The following ARMC6 variants were observed in gnomAD, a reference collection of about 807,000 sequenced individuals.
ARMC6 encodes the protein armadillo repeat-containing protein 6.
Under a neutral mutation model 49.2 loss-of-function variants are expected in ARMC6, and 43 were observed. The observed-to-expected ratio is 0.87, with a 90% CI of 0.69 to 1.13. ARMC6 has a LOEUF of 1.13. Ranked by LOEUF, ARMC6 falls within the 50% of genes most tolerant of loss-of-function variation. ARMC6 has a pLI of 0.00. For synonymous variants in ARMC6, 262 were observed against 289.6 expected (o/e 0.90, Z 0.97); for missense variants, 627 against 682.0 (o/e 0.92, Z 0.90).
chr19:19,037,577 GC>G (rs1195474966), intron 2 of ARMC6: 26 of 1,074,544 alleles, frequency 2.4e-5, no homozygotes, highest in African/African-American at 3.3e-5. Flanking sequence ...ACGTGTCCAG[GC>G]TGGTCTCAAA....
chr19:19,037,262 C>T (rs2059378011), intron 2 of ARMC6, among the ~76,000 whole-genome samples: 1 of 152,094 alleles, frequency 6.6e-6, no homozygotes, highest in Non-Finnish European at 1.5e-5. Context: ...CAGTCCTTCT[C>T]CCGTCAGGCA....
intron 4 of ARMC6, among the ~76,000 whole-genome samples, chr19:19,047,735 A>C (rs916476356): frequency 1.4e-4 from 22 of 152,348 alleles, no homozygotes; most frequent in African/African-American, 3.4e-4. Context: ...GAGTGACCAA[A>C]GGCCCATGAC....
At chr19:19,035,249 ACC>A (rs1325265839) in intron 2 of ARMC6, among the ~76,000 whole-genome samples, 1 of 151,432 alleles carries the variant, frequency 6.6e-6, no homozygotes, top group African/African-American at 2.4e-5. Context: ...CAAGTGATCT[ACC>A]CGCCTCAGAC....
In ARMC6 at chr19:19,057,937, C is replaced by T; in HGVS notation, c.*309C>T. On this transcript the variant is annotated 3_prime_UTR_variant, in exon 9 of 9. Transcript: ENST00000535612. ...AAAGGGCACGTCCCATCACTCACTG[C>T]CCTGTCTGAAATGTGGCAGCCACTG... The T allele has an allele frequency of 2.2e-6, 1 of 461,814 alleles. No individual in the cohort carries two copies. The highest frequency in any genetic ancestry group is 4.0e-6 in the Non-Finnish European group (1 of 247,708). 28.6% of individuals were successfully genotyped at this position (461,814 alleles called of 1,614,324 possible). A position where few individuals can be genotyped will look rare whatever the true frequency, so the allele number is the denominator to read the frequency against.
chr19:19,045,067 C>T (rs2059438222), intron 4 of ARMC6, among the ~76,000 whole-genome samples: 1 of 151,280 alleles, frequency 6.6e-6, no homozygotes, highest in Non-Finnish European at 1.5e-5. Flanking sequence ...CTGGTGTGCA[C>T]TGGCGTGATC....
rs1013304508 is a variant in ARMC6 at position 19,033,712 on chromosome 19, G to A, written c.-298G>A. Reference sequence around the variant, plus strand: ...GCGACCACCGTGAGCGTCCCGGAAGGGGCGGCAAAGACGCCTCCGTCGCGC... The same window carrying A: ...GCGACCACCGTGAGCGTCCCGGAAGAGGCGGCAAAGACGCCTCCGTCGCGC... On this transcript the variant is annotated 5_prime_UTR_variant, in exon 1 of 9. Coordinates refer to ENST00000535612, the MANE Select transcript of ARMC6 (RefSeq NM_001199196.2). The A allele has an allele frequency of 5.9e-5, 16 of 271,480 alleles. No individual in the cohort carries two copies. Among genetic ancestry groups the A allele is most frequent in the Non-Finnish European group, 9.6e-5 (14 of 145,252 alleles). 16.8% of individuals were successfully genotyped at this position (271,480 alleles called of 1,614,324 possible).
intron 8 of ARMC6, among the ~76,000 whole-genome samples, chr19:19,056,412 C>T (rs2059545474): frequency 6.6e-6 from 1 of 152,082 alleles, no homozygotes; most frequent in African/African-American, 2.4e-5. Context: ...CAGGCATGGG[C>T]CACCACGCCC....
intron 2 of ARMC6, among the ~76,000 whole-genome samples, chr19:19,041,523 A>G (rs1256625114): frequency 6.6e-6 from 1 of 151,962 alleles, no homozygotes; most frequent in Non-Finnish European, 1.5e-5. Context: ...TAATTTTTGT[A>G]TTTTTAGCAG....
chr19:19,057,515 C>T lies in ARMC6; in HGVS notation c.1393C>T (p.Arg465Ter), dbSNP rs746845968. The change falls in exon 9 of 9, where the codon CGA (arginine) becomes TGA (stop). Residue 465 changes from arginine (R) to a stop codon, truncating the protein, a stop_gained. Transcript: ENST00000535612. LOFTEE classifies it high-confidence loss of function. The stretch of plus-strand genomic sequence containing the variant: ...GGCTGAGGCACTCATCATGCAGGCC[C>T]GATCTGCCCACCGTGACTGTGAGGA... ...LGAEALIMQA[R>*]SAHRDCEDVA... 2.2e-5 allele frequency: 36 copies of T among 1,613,848 alleles called. No individual in the cohort carries two copies. Among genetic ancestry groups the T allele is most frequent in the East Asian group, 6.7e-5 (3 of 44,878 alleles).
rs779552054 is a variant in ARMC6, at chr19:19,052,036, C to G, written c.694C>G (p.His232Asp). 1.9e-6 allele frequency: 3 copies of G among 1,614,050 alleles called. No individual in the cohort carries two copies. The South Asian group carries it at 3.3e-5, about 18-fold the overall frequency. ...LPLLTGAITH[H>D]GHHTDVVREA... ...TCTGCTGACTGGTGCCATCACCCAT[C>G]ATGGCCACCACACTGACGTGGTCAG... The change falls in exon 5 of 9, where the codon CAT (histidine) becomes GAT (aspartate). Residue 232 changes from histidine (H) to aspartate (D), a missense_variant. His to Asp is a moderately conservative substitution (Grantham distance 81, BLOSUM62 -1). Transcript: ENST00000535612.
Position 19,055,466 on chromosome 19 carries a change from C to T in ARMC6, c.1155+70C>T, listed in dbSNP as rs572000202. ...AGTCCCAGTTCAGTTTCTGTATCTG[C>T]ATGAAGCTCTATTCCCCTGCAGGGC... On this transcript the variant is annotated intron_variant, in intron 7 of 8. Coordinates refer to ENST00000535612, the MANE Select transcript of ARMC6 (RefSeq NM_001199196.2). The surrounding 1 kb of genome is among the most constrained non-coding windows in gnomAD (Gnocchi z 5.7). The T allele has an allele frequency of 5.2e-6, 8 of 1,525,760 alleles. No individual in the cohort carries two copies. The African/African-American group carries it at 9.7e-5, about 18-fold the overall frequency. The allele number at this position is 1,525,760 out of a possible 1,614,324, so 94.5% of individuals were successfully genotyped here. A position where few individuals can be genotyped will look rare whatever the true frequency, so the allele number is the denominator to read the frequency against.
At chr19:19,034,647 G>T (rs2059329354) in intron 2 of ARMC6, among the ~76,000 whole-genome samples, 1 of 152,124 alleles carries the variant, frequency 6.6e-6, no homozygotes. Flanking sequence ...AGAGTGTAGT[G>T]GCATGATCTT....
chr19:19,034,203 C>A lies in ARMC6; in HGVS notation c.-7C>A. On this transcript the variant is annotated 5_prime_UTR_variant, in exon 2 of 9. Transcript: ENST00000535612. ...GTGGGGACAAGGAGGCTACAGGGTA[C>A]AAATAAATGAGTGAACGATGTTGCT... is the stretch of plus-strand genomic sequence containing the variant. 6.3e-7 allele frequency: 1 copy of A among 1,593,906 alleles called. No individual in the cohort carries two copies. Among genetic ancestry groups the A allele is most frequent in the Non-Finnish European group, 8.5e-7 (1 of 1,177,720 alleles).
At chr19:19,039,260 G>A (rs539164922) in intron 2 of ARMC6, 7 of 373,686 alleles carry the variant, frequency 1.9e-5, no homozygotes, top group East Asian at 9.1e-5. Context: ...TCAGCCTCCC[G>A]AGTAACTTCA....
intron 8 of ARMC6, 127 bp downstream of exon 8, chr19:19,056,055 C>T: frequency 9.4e-7 from 1 of 1,065,078 alleles, no homozygotes. Context: ...CTATCCCTAT[C>T]CCTGTCCCTG....
At chr19:19,034,031 A>T (rs920654781) in intron 1 of ARMC6, 100 bp from the exon 2 acceptor site, 2 of 119,564 alleles carry the variant, frequency 1.7e-5, no homozygotes, top group Non-Finnish European at 2.7e-5. Context: ...GTTTGGGGGG[A>T]AAAAAAAAAT....
At chr19:19,042,256 C>T (rs1341243632) in intron 2 of ARMC6, among the ~76,000 whole-genome samples, 1 of 152,200 alleles carries the variant, frequency 6.6e-6, no homozygotes. Flanking sequence ...TTTGCTACAT[C>T]CGTAATAGTT....
At chr19:19,051,327 C>T (rs2059493024) in intron 4 of ARMC6, among the ~76,000 whole-genome samples, 1 of 151,618 alleles carries the variant, frequency 6.6e-6, no homozygotes. Context: ...TTTATGTGTG[C>T]AGCCCTTCGG....
At chr19:19,047,790 C>A (rs2059463379) in intron 4 of ARMC6, among the ~76,000 whole-genome samples, 1 of 152,120 alleles carries the variant, frequency 6.6e-6, no homozygotes, top group African/African-American at 2.4e-5. Flanking sequence ...GGTGGTCGGG[C>A]TACAGCTTGG....
Sources: allele counts gnomAD v4.1 joint callset (sites outside exome capture counted in the v4.1 genomes callset), GRCh38; gene constraint gnomAD v4.1.1; non-coding constraint Gnocchi (gnomAD v3.1); transcripts MANE v1.5; gene names NCBI Gene and HGNC (gene_info 2026-07-23, HGNC 2026-07-21).